Variants in NEK3 observed in about 807,000 individuals in gnomAD.
NEK3 encodes serine/threonine-protein kinase Nek3.
Under a neutral mutation model 66.0 loss-of-function variants are expected in NEK3, and 54 were observed. The observed-to-expected ratio is 0.82, with a 90% CI of 0.66 to 1.03. The LOEUF (loss-of-function observed/expected upper bound fraction) is 1.03. Among genes scored for constraint, NEK3 ranks in the 50% least tolerant of loss-of-function variants. The pLI is 0.00. For missense variants in NEK3, 593 were observed against 603.0 expected (o/e 0.98, Z 0.17); for synonymous variants, 200 against 206.2 (o/e 0.97, Z 0.26).
In NEK3 at chr13:52,135,731, G is replaced by T; in HGVS notation, c.1307C>A (p.Pro436Gln). The change falls in exon 14 of 16, where the codon CCA (proline) becomes CAA (glutamine). Residue 436 changes from proline (P) to glutamine (Q), a missense_variant and splice_region_variant. Coordinates refer to ENST00000610828, the MANE Select transcript of NEK3 (RefSeq NM_002498.3). ...GGTCACATACAGACATGAATTACCT[G>T]GTCTATATATTGTGTATGTTTGAAA... Reference protein sequence around the residue: ...LAFQTYTIYRPGSEGFLKGPL... With the variant: ...LAFQTYTIYRQGSEGFLKGPL... 1 of 1,610,944 alleles carries T rather than the reference G, an allele frequency of 6.2e-7. No homozygotes were observed. The highest frequency in any genetic ancestry group is 8.5e-7 in the Non-Finnish European group (1 of 1,178,706).
intron 9 of NEK3, among the ~76,000 whole-genome samples, chr13:52,144,370 C>T (rs970805675): frequency 2.6e-5 from 4 of 152,054 alleles, no homozygotes; most frequent in African/African-American, 7.2e-5. Flanking sequence ...GAGCCAAGAT[C>T]GCACCACTGC....
At position 52,154,128 on chromosome 13, in the gene NEK3, C is replaced by T; in HGVS notation, c.163G>A (p.Ala55Thr). ...QNSRKEAVLL[A>T]KMKHPNIVAF... ...ACAATATTAGGGTGTTTCATTTTGG[C>T]TAAAAGAACAGCCTCCTTCCTAGAA... Residue 55 changes from alanine to threonine, a missense_variant, in exon 3 of 16, where the codon GCC becomes ACC. Transcript: ENST00000610828. 6.2e-7 allele frequency: 1 copy of T among 1,611,548 alleles called. No individual in the cohort carries two copies. Among genetic ancestry groups the T allele is most frequent in the South Asian group, 1.1e-5 (1 of 90,680 alleles).
At chr13:52,140,214 C>CAAAAAA (rs397851494) in intron 11 of NEK3, among the ~76,000 whole-genome samples, 1 of 76,830 alleles carries the variant, frequency 1.3e-5, no homozygotes, top group Non-Finnish European at 2.4e-5. Context: ...GACCCTATCT[C>CAAAAAA]AAAAAAAAAA....
chr13:52,152,572 CT>C (rs554933673), intron 5 of NEK3, 36 bp downstream of exon 5: 59,958 of 959,044 alleles, frequency 0.063, 50 homozygotes, highest in South Asian at 0.12. Flanking sequence ...GAATTAAGGA[CT>C]TTTTTTTTTT....
At chr13:52,158,440 C>T (rs1385940168) in intron 1 of NEK3, among the ~76,000 whole-genome samples, 2 of 152,252 alleles carry the variant, frequency 1.3e-5, no homozygotes, top group Middle Eastern at 3.4e-3. Flanking sequence ...GAAACAAGTC[C>T]TTTACTACTA....
intron 15 of NEK3, 69 bp downstream of exon 15, chr13:52,133,620 C>CACACAA (rs1445503096): frequency 2.9e-5 from 40 of 1,402,850 alleles, no homozygotes; most frequent in Admixed American, 2.5e-4. Flanking sequence ...TTAAATCACA[C>CACACAA]ACACACACAC....
chr13:52,142,516 T>C (rs550167171), intron 10 of NEK3, among the ~76,000 whole-genome samples: 1 of 152,328 alleles, frequency 6.6e-6, no homozygotes, highest in African/African-American at 2.4e-5. Flanking sequence ...GACCTCATGA[T>C]CTACCCGCCT....
At chr13:52,150,374 T>C (rs891060311) in intron 7 of NEK3, among the ~76,000 whole-genome samples, 27 of 152,316 alleles carry the variant, frequency 1.8e-4, no homozygotes, top group Admixed American at 1.4e-3. Flanking sequence ...AGAAAATTTA[T>C]GAAGAGTTTA....
At chr13:52,151,480 A>G in intron 5 of NEK3, 88 bp from the exon 6 acceptor site, 2 of 1,188,600 alleles carry the variant, frequency 1.7e-6, no homozygotes, top group East Asian at 5.1e-5. Context: ...CTGATGATGG[A>G]GATTAAGGCT....
chr13:52,155,954 C>T (rs929341477), intron 2 of NEK3, 121 bp downstream of exon 2: 22 of 557,378 alleles, frequency 3.9e-5, no homozygotes, highest in African/African-American at 5.8e-5. Context: ...GTGATCTACC[C>T]GCCTCCACCT....
At chr13:52,148,509 C>G in intron 7 of NEK3, 40 bp from the exon 8 acceptor site, 4 of 1,567,094 alleles carry the variant, frequency 2.6e-6, no homozygotes, top group Non-Finnish European at 2.6e-6. Context: ...AAGCAGGTTA[C>G]GTATTTTCTA....
intron 5 of NEK3, 40 bp from the exon 6 acceptor site, chr13:52,151,432 A>G: frequency 6.6e-7 from 1 of 1,517,028 alleles, no homozygotes; most frequent in Non-Finnish European, 9.0e-7. Context: ...GTCTTCTATC[A>G]TCAAACATGA....
chr13:52,157,249 G>A (rs1232273568), intron 1 of NEK3: 2 of 152,270 alleles, frequency 1.3e-5, no homozygotes, highest in Admixed American at 1.3e-4. Context: ...GGCCAGCTCA[G>A]AGACACAGGC....
At chr13:52,136,332 C>A in intron 12 of NEK3, 73 bp from the exon 13 acceptor site, 1 of 1,405,862 alleles carries the variant, frequency 7.1e-7, no homozygotes. Context: ...CACATAGACT[C>A]TAACAAATAT....
chr13:52,152,560 C>A (rs1285239775), intron 5 of NEK3, 49 bp downstream of exon 5: 1 of 1,221,626 alleles, frequency 8.2e-7, no homozygotes, highest in Non-Finnish European at 1.2e-6. Context: ...AGTAAAATGA[C>A]TGAATTAAGG....
At chr13:52,145,111 C>T (rs1956283460) in intron 8 of NEK3, among the ~76,000 whole-genome samples, 2 of 152,114 alleles carry the variant, frequency 1.3e-5, no homozygotes, top group Admixed American at 1.3e-4. Flanking sequence ...AAAAGTATTT[C>T]CATCAATGCC....
chr13:52,135,937 T>C, intron 13 of NEK3, 74 bp from the exon 14 acceptor site: 3 of 1,541,104 alleles, frequency 1.9e-6, no homozygotes, highest in Non-Finnish European at 2.6e-6. Context: ...GATCATATTT[T>C]CAAGCGAAGT....
At chr13:52,155,107 G>A (rs766416951) in intron 2 of NEK3, among the ~76,000 whole-genome samples, 2 of 152,002 alleles carry the variant, frequency 1.3e-5, no homozygotes, top group Non-Finnish European at 2.9e-5. Context: ...GCCTGGGGGT[G>A]GAGCACAGCA....
rs1471931753 is a variant in NEK3 at position 52,144,016 on chromosome 13, T to C, written c.805-29A>G. The C allele has an allele frequency of 8.0e-6, 10 of 1,255,924 alleles. No individual in the cohort carries two copies. In the South Asian group the frequency reaches 1.4e-4, roughly 17 times the overall value. 77.8% of individuals were successfully genotyped at this position (1,255,924 alleles called of 1,614,324 possible). A position where few individuals can be genotyped will look rare whatever the true frequency, so the allele number is the denominator to read the frequency against. ...AAATTTAAAGTTGAGAATTTAGAGA[T>C]GTGAAAACATACTTTTCTATAGATA... is the stretch of plus-strand genomic sequence containing the variant. On this transcript the variant is annotated intron_variant, in intron 9 of 15. Transcript: ENST00000610828.
Sources: gnomAD v4.1 joint callset for allele counts (sites outside exome capture counted in the v4.1 genomes callset) on GRCh38, gnomAD v4.1.1 for gene constraint, MANE v1.5 for transcripts, NCBI Gene and HGNC (gene_info 2026-07-23, HGNC 2026-07-21) for gene names.